The following MOV10 variants were observed in gnomAD, a reference collection of about 807,000 sequenced individuals.
The protein encoded by MOV10 is Mov10 RNA helicase.
MOV10 carries 39 observed loss-of-function variants against 108.4 expected under a neutral mutation model. That is an observed-to-expected ratio of 0.36 (90% CI 0.28 to 0.47). The LOEUF is 0.47. MOV10 is among the 20% of genes least tolerant of loss of function. MOV10 has a pLI of 1.00. For missense variants in MOV10, 952 were observed against 1,297.6 expected, an observed-to-expected ratio of 0.73 and a Z score of 4.09; for synonymous variants, 490 against 523.1, an observed-to-expected ratio of 0.94 and a Z score of 0.86.
chr1:112,695,324 C>G, intron 10 of MOV10, 92 bp from the exon 11 acceptor site: 1 of 1,324,500 alleles, frequency 7.6e-7, no homozygotes, highest in Non-Finnish European at 1.1e-6. Flanking sequence ...TCACCATTCA[C>G]ATTTCAGTCA....
At chr1:112,674,605 C>A, upstream of MOV10, 1 of 250,130 alleles carries the variant, frequency 4.0e-6, no homozygotes, top group Non-Finnish European at 7.7e-6. Context: ...CTGATACTGG[C>A]TAGAAGCCAG....
Position 112,695,484 on chromosome 1 carries a change from C to G in MOV10, c.1689C>G (p.Leu563=). The change falls in exon 11 of 21, where the codon CTC becomes CTG. Residue 563 remains leucine (L), a synonymous_variant. Coordinates refer to ENST00000369645, the MANE Select transcript of MOV10 (RefSeq NM_001321324.2). ...CATCCAACTCAGGGGCTGACCTACTCTGTCAAAGGCTCCGGGTCCACCTTC... is the reference window on the plus strand; with the variant it reads ...CATCCAACTCAGGGGCTGACCTACTGTGTCAAAGGCTCCGGGTCCACCTTC... The part of the protein sequence containing the change: ...CAPSNSGADL[L]CQRLRVHLPS... 6.2e-6 allele frequency: 10 copies of G among 1,614,242 alleles called. No individual in the cohort carries two copies. The highest frequency in any genetic ancestry group is 8.5e-6 in the Non-Finnish European group (10 of 1,180,044).
At chr1:112,693,005 G>A (rs1673722612) in intron 7 of MOV10, 76 bp downstream of exon 7, 3 of 1,396,306 alleles carry the variant, frequency 2.1e-6, no homozygotes, top group Non-Finnish European at 3.0e-6. Flanking sequence ...AACTATTCCT[G>A]ACAGCAGGGC....
rs984716304 is a variant in MOV10 at position 112,675,285 on chromosome 1, G to A, written c.137+236G>A. Among the ~76,000 whole-genome samples, 1 of 151,990 alleles carries A rather than the reference G, an allele frequency of 6.6e-6. No individual in the cohort carries two copies. The highest frequency in any genetic ancestry group is 2.4e-5 in the African/African-American group (1 of 41,408). On this transcript the variant is annotated intron_variant, in intron 2 of 20. Coordinates refer to ENST00000369645, the MANE Select transcript of MOV10 (RefSeq NM_001321324.2). The surrounding 1 kb of genome is among the most constrained non-coding windows in gnomAD (Gnocchi z 4.7). ...GGCCCCTGCGCCAAGTCGCCGCGGA[G>A]AGCCTCCCGCGCTGCCCGCGCCCCC...
intron 2 of MOV10, chr1:112,686,972 C>G (rs1297989074): frequency 2.2e-6 from 1 of 456,490 alleles, no homozygotes; most frequent in African/African-American, 2.0e-5. Context: ...ACAGTCTTGC[C>G]TCCAGCAAAT....
chr1:112,697,060 C>T (rs1674168256), intron 14 of MOV10, among the ~76,000 whole-genome samples: 1 of 152,204 alleles, frequency 6.6e-6, no homozygotes, highest in South Asian at 2.1e-4. Context: ...CACCAGTCAG[C>T]TTATCTGCAT....
At position 112,687,773 on chromosome 1, in the gene MOV10, T is replaced by G. The variant is rs558262693; in HGVS notation, c.138-1162T>G. Among the ~76,000 whole-genome samples the G allele has an allele frequency of 1.4e-4, 22 of 152,240 alleles. No individual in the cohort carries two copies. In the East Asian group the frequency reaches 3.5e-3, roughly 24 times the overall value. On this transcript the variant is annotated intron_variant, in intron 2 of 20. Coordinates refer to ENST00000369645, the MANE Select transcript of MOV10 (RefSeq NM_001321324.2). The stretch of plus-strand genomic sequence containing the variant: ...GGTTCTCTGCCGTGTCAAAATCTCA[T>G]GTAAACCTCACAGCAACCCTACGAG...
At position 112,688,911 on chromosome 1, in the gene MOV10, C is replaced by T. The variant is rs778878260; in HGVS notation, c.138-24C>T. On this transcript the variant is annotated intron_variant, in intron 2 of 20. Coordinates refer to ENST00000369645, the MANE Select transcript of MOV10 (RefSeq NM_001321324.2). ...CCTCGAGCCCTGCCTTCCCTCACTT[C>T]CCAGTCTCCTCTGCTTCTGGCAGCT... The T allele has an allele frequency of 2.5e-6, 4 of 1,611,804 alleles. No individual in the cohort carries two copies. The South Asian group carries it at 4.4e-5, about 18-fold the overall frequency.
At chr1:112,688,561 G>T in intron 2 of MOV10, 1 of 1,138,378 alleles carries the variant, frequency 8.8e-7, no homozygotes. Flanking sequence ...TCTTTCTTCT[G>T]GGTTGTTTGT....
intron 2 of MOV10, among the ~76,000 whole-genome samples, chr1:112,680,655 C>CAAAA (rs1229116415): frequency 1.6e-4 from 6 of 36,870 alleles, no homozygotes; most frequent in Admixed American, 3.9e-4. Flanking sequence ...GACTCCGTCT[C>CAAAA]AAAAAAAAAA....
intron 17 of MOV10, 105 bp from the exon 18 acceptor site, chr1:112,699,580 T>G: frequency 6.5e-7 from 1 of 1,546,906 alleles, no homozygotes; most frequent in South Asian, 1.3e-5. Context: ...GATCTACAAT[T>G]GCCCAGTGAC....
In MOV10 at chr1:112,675,264, C is replaced by T. The variant is rs576116442; in HGVS notation, c.137+215C>T. Among the ~76,000 whole-genome samples the T allele has an allele frequency of 4.3e-3, 656 of 152,042 alleles. 3 individuals are homozygous for T. The highest frequency in any genetic ancestry group is 0.014 in the African/African-American group (586 of 41,514). ...CCGCCAGTTCTGCCCGAGCTGGGCC[C>T]CTGCGCCAAGTCGCCGCGGAGAGCC... is the stretch of plus-strand genomic sequence containing the variant. On this transcript the variant is annotated intron_variant, in intron 2 of 20. Coordinates refer to ENST00000369645, the MANE Select transcript of MOV10 (RefSeq NM_001321324.2). This position sits in a 1 kb window ranked among gnomAD's most constrained non-coding sequence, Gnocchi z 4.7.
Position 112,691,757 on chromosome 1 carries a change from G to C in MOV10, c.929G>C (p.Gly310Ala), listed in dbSNP as rs1368720989. ...LRQLLPMLLQ[G>A]TSIFTAPKEI... ...CAGCTGCTCCCCATGCTTCTTCAGG[G>C]AACAAGTATCTTCACTGCCCCTAAG... Residue 310 changes from glycine (G) to alanine (A), a missense_variant, in exon 6 of 21, where the codon GGA becomes GCA. Coordinates refer to ENST00000369645, the MANE Select transcript of MOV10 (RefSeq NM_001321324.2). 1.2e-6 allele frequency: 2 copies of C among 1,614,016 alleles called. No homozygotes were observed. Among genetic ancestry groups the C allele is most frequent in the Non-Finnish European group, 1.7e-6 (2 of 1,180,038 alleles).
intron 2 of MOV10, among the ~76,000 whole-genome samples, chr1:112,681,298 T>G (rs1173807186): frequency 6.6e-6 from 1 of 151,718 alleles, no homozygotes; most frequent in Non-Finnish European, 1.5e-5. Context: ...TTGAGACCAG[T>G]CTGGCCAACA....
intron 2 of MOV10, among the ~76,000 whole-genome samples, chr1:112,681,901 T>G (rs79042117): frequency 1.5e-5 from 2 of 131,554 alleles, no homozygotes; most frequent in Non-Finnish European, 1.6e-5. Flanking sequence ...TGTTTATGGG[T>G]TTTTTTTTTT....
intron 7 of MOV10, chr1:112,693,608 G>A (rs2009056): frequency 0.2 from 30,770 of 155,306 alleles, 3,896 homozygotes; most frequent in East Asian, 0.47. Context: ...CAAGTGATCC[G>A]CCTGCCTCAG....
chr1:112,698,477 A>G lies in MOV10; in HGVS notation c.2507A>G (p.Gln836Arg). ...SVGVISPYRK[Q>R]VEKIRYCITK... ...GGCGTCATCTCCCCGTACCGGAAAC[A>G]GGTCAGGTCCTCAGTTACCAGCAAG... The change falls in exon 16 of 21, where the codon CAG becomes CGG. Residue 836 changes from glutamine (Q) to arginine (R), a missense_variant and splice_region_variant. Coordinates refer to ENST00000369645, the MANE Select transcript of MOV10 (RefSeq NM_001321324.2). 6.2e-7 allele frequency: 1 copy of G among 1,613,714 alleles called. No homozygotes were observed. Among genetic ancestry groups the G allele is most frequent in the Non-Finnish European group, 8.5e-7 (1 of 1,179,894 alleles).
chr1:112,700,333 T>G lies in MOV10; in HGVS notation c.2913T>G (p.Ser971=). The G allele has an allele frequency of 3.1e-6, 5 of 1,614,226 alleles. No homozygotes were observed. Among genetic ancestry groups the G allele is most frequent in the Non-Finnish European group, 4.2e-6 (5 of 1,180,026 alleles). Residue 971 remains serine, a synonymous_variant, in exon 20 of 21, where the codon TCT becomes TCG. Transcript: ENST00000369645. ...LLQGLSKLSP[S]TSGPHSHDYL... Reference sequence around the variant, plus strand: ...AAGGTCTGAGCAAGCTCAGCCCCTCTACCTCAGGTATGGCTGGGCCAGGGT... The same window carrying G: ...AAGGTCTGAGCAAGCTCAGCCCCTCGACCTCAGGTATGGCTGGGCCAGGGT...
chr1:112,680,580 C>T (rs112071211), intron 2 of MOV10, among the ~76,000 whole-genome samples: 2 of 128,216 alleles, frequency 1.6e-5, no homozygotes, highest in East Asian at 2.9e-4. Context: ...GGCCTGAACC[C>T]GGGAGGCGGA....
Sources: gnomAD v4.1 joint callset for allele counts (sites outside exome capture counted in the v4.1 genomes callset) on GRCh38, gnomAD v4.1.1 for gene constraint, Gnocchi (gnomAD v3.1) non-coding constraint, MANE v1.5 for transcripts, NCBI Gene and HGNC (gene_info 2026-07-23, HGNC 2026-07-21) for gene names.